Variants in PRKN observed in about 807,000 individuals in gnomAD.
PRKN encodes the protein E3 ubiquitin-protein ligase parkin.
PRKN carries 56 observed loss-of-function variants against 59.5 expected under a neutral mutation model. The ratio of observed to expected loss-of-function variants is 0.94; its 90% CI spans 0.76 to 1.18. The LOEUF is 1.18. PRKN is among the 50% of genes most tolerant of loss of function. PRKN has a pLI of 0.00. For synonymous variants in PRKN, 250 were observed against 222.1 expected (o/e 1.13, Z -1.12); for missense variants, 657 against 596.4 (o/e 1.10, Z -1.06).
chr6:161,441,631 C>A (rs1411700967), intron 9 of PRKN, among the ~76,000 whole-genome samples: 8 of 126,884 alleles, frequency 6.3e-5, no homozygotes, highest in Non-Finnish European at 1.3e-4. Flanking sequence ...GGCAACAGAG[C>A]AAGACTCTGT....
At chr6:162,190,454 A>C (rs955105652) in intron 4 of PRKN, among the ~76,000 whole-genome samples, 2 of 152,220 alleles carry the variant, frequency 1.3e-5, no homozygotes, top group African/African-American at 4.8e-5. Flanking sequence ...ATGTGACTCA[A>C]TGTGAGTGCT....
intron 6 of PRKN, among the ~76,000 whole-genome samples, chr6:161,817,359 C>T (rs1324359611): frequency 6.6e-6 from 1 of 152,192 alleles, no homozygotes; most frequent in African/African-American, 2.4e-5. Context: ...AACAGGGCCA[C>T]GTGGGTTTCC....
chr6:162,129,543 C>T (rs1781257539), intron 4 of PRKN, among the ~76,000 whole-genome samples: 1 of 152,154 alleles, frequency 6.6e-6, no homozygotes, highest in African/African-American at 2.4e-5. Flanking sequence ...GGTAAACAAA[C>T]AAGGATGCTA....
chr6:161,933,915 G>A (rs533553554), intron 6 of PRKN, among the ~76,000 whole-genome samples: 4 of 152,328 alleles, frequency 2.6e-5, no homozygotes, highest in East Asian at 1.9e-4. Flanking sequence ...GTCCTAAAGC[G>A]TCTGTCTGTC....
intron 7 of PRKN, among the ~76,000 whole-genome samples, chr6:161,604,497 C>T (rs867995794): frequency 3.3e-5 from 5 of 152,166 alleles, no homozygotes; most frequent in Admixed American, 1.3e-4. Flanking sequence ...TAGGGCAGAA[C>T]GGGTGGCCAG....
At chr6:162,527,291 G>C (rs1005469435) in intron 1 of PRKN, among the ~76,000 whole-genome samples, 1 of 152,338 alleles carries the variant, frequency 6.6e-6, no homozygotes, top group South Asian at 2.1e-4. Flanking sequence ...GTTACAGTGA[G>C]TGTATGATAG....
intron 1 of PRKN, among the ~76,000 whole-genome samples, chr6:162,582,201 T>C (rs67646369): frequency 0.1 from 15,584 of 152,234 alleles, 942 homozygotes; most frequent in Middle Eastern, 0.19. Context: ...AGTCCAATAT[T>C]ATGTATGCAA....
At chr6:162,185,677 ATGAGATG>A (rs1783999079) in intron 4 of PRKN, among the ~76,000 whole-genome samples, 1 of 152,180 alleles carries the variant, frequency 6.6e-6, no homozygotes, top group Admixed American at 6.6e-5. Context: ...TCCTGATACC[ATGAGATG>A]GAATTTAATA....
intron 1 of PRKN, among the ~76,000 whole-genome samples, chr6:162,674,706 T>C (rs1483005664): frequency 6.6e-6 from 1 of 152,188 alleles, no homozygotes; most frequent in Non-Finnish European, 1.5e-5. Context: ...ATCAGTGTTT[T>C]AGATACTAGG....
At chr6:162,105,745 A>T (rs1393775833) in intron 4 of PRKN, among the ~76,000 whole-genome samples, 1 of 152,224 alleles carries the variant, frequency 6.6e-6, no homozygotes, top group African/African-American at 2.4e-5. Flanking sequence ...TCTTCCACCA[A>T]TAAGAAAAAT....
At chr6:161,810,972 A>C (rs759599491) in intron 6 of PRKN, among the ~76,000 whole-genome samples, 1 of 152,146 alleles carries the variant, frequency 6.6e-6, no homozygotes, top group Non-Finnish European at 1.5e-5. Context: ...AAGAGGAAGA[A>C]AGGGTACTCC....
chr6:161,843,572 G>A (rs1793076609), intron 6 of PRKN, among the ~76,000 whole-genome samples: 1 of 152,268 alleles, frequency 6.6e-6, no homozygotes, highest in Admixed American at 6.5e-5. Flanking sequence ...GATTACTTAA[G>A]GTCAGGAGTT....
intron 6 of PRKN, among the ~76,000 whole-genome samples, chr6:161,841,034 G>C (rs548447183): frequency 6.6e-6 from 1 of 152,202 alleles, no homozygotes; most frequent in Non-Finnish European, 1.5e-5. Context: ...CCTAAAGGCA[G>C]AAATACCATT....
At chr6:161,710,634 T>G (rs1049020067) in intron 7 of PRKN, among the ~76,000 whole-genome samples, 3 of 152,182 alleles carry the variant, frequency 2.0e-5, no homozygotes, top group African/African-American at 4.8e-5. Context: ...ATATTCCACT[T>G]CTACACTTCT....
At chr6:161,535,097 G>A (rs1237170533) in intron 9 of PRKN, among the ~76,000 whole-genome samples, 2 of 152,184 alleles carry the variant, frequency 1.3e-5, no homozygotes, top group African/African-American at 4.8e-5. Flanking sequence ...TAATCAGCAG[G>A]TGTAAATGTC....
At chr6:162,180,812 T>C (rs1412166291) in intron 4 of PRKN, among the ~76,000 whole-genome samples, 1 of 152,180 alleles carries the variant, frequency 6.6e-6, no homozygotes, top group Non-Finnish European at 1.5e-5. Flanking sequence ...CAGGGAACAG[T>C]GGGCTCCCCT....
chr6:162,301,604 C>A (rs1305008275), intron 2 of PRKN, among the ~76,000 whole-genome samples: 2 of 152,016 alleles, frequency 1.3e-5, no homozygotes, highest in African/African-American at 4.8e-5. Flanking sequence ...CTCACATAGC[C>A]TTTTCTCTGT....
intron 9 of PRKN, among the ~76,000 whole-genome samples, chr6:161,491,088 T>C (rs1054249439): frequency 6.6e-6 from 1 of 152,342 alleles, no homozygotes; most frequent in African/African-American, 2.4e-5. Flanking sequence ...CCGGTATTTC[T>C]TTATAGCAGT....
intron 6 of PRKN, among the ~76,000 whole-genome samples, chr6:161,918,713 C>T (rs1778668840): frequency 6.6e-6 from 1 of 152,128 alleles, no homozygotes. Flanking sequence ...CAAGCCAGTG[C>T]ACGGCATGAC....
Sources: gnomAD v4.1 joint callset for allele counts (sites outside exome capture counted in the v4.1 genomes callset) on GRCh38, gnomAD v4.1.1 for gene constraint, MANE v1.5 for transcripts, NCBI Gene and HGNC (gene_info 2026-07-23, HGNC 2026-07-21) for gene names.